Variants in CDKL1 observed in about 807,000 individuals in gnomAD.
CDKL1 encodes cyclin dependent kinase like 1, also known as cyclin-dependent kinase-like 1.
In CDKL1, 41 loss-of-function variants were observed where a neutral mutation model predicts 42.0. The ratio of observed to expected loss-of-function variants is 0.98; its 90% confidence interval spans 0.76 to 1.27. CDKL1 has a LOEUF of 1.27. Ranked by LOEUF, CDKL1 falls within the 50% of genes most tolerant of loss-of-function variation. CDKL1 has a pLI of 0.00. For synonymous variants in CDKL1, 153 were observed against 158.6 expected (o/e 0.96, Z 0.26); for missense variants, 394 against 428.4 (o/e 0.92, Z 0.71).
At chr14:50,346,651 G>GTTT (rs375954757) in intron 3 of CDKL1, among the ~76,000 whole-genome samples, 1,912 of 123,528 alleles carry the variant, frequency 0.015, 111 homozygotes, top group African/African-American at 0.029. Context: ...TTAAATTTTT[G>GTTT]GTTTTTTTTT....
chr14:50,336,847 A>G (rs1167157352), intron 7 of CDKL1, among the ~76,000 whole-genome samples: 1 of 134,994 alleles, frequency 7.4e-6, no homozygotes, highest in Non-Finnish European at 1.6e-5. Flanking sequence ...CCTTGCAGCC[A>G]TTTATTTCAC....
At chr14:50,344,884 TA>T in intron 4 of CDKL1, 101 bp downstream of exon 4, 4 of 935,482 alleles carry the variant, frequency 4.3e-6, no homozygotes, top group South Asian at 1.6e-5. Flanking sequence ...AAGATTTGGG[TA>T]AAAAATTTTA....
chr14:50,347,262 C>T (rs1368222040), intron 3 of CDKL1, among the ~76,000 whole-genome samples: 2 of 151,978 alleles, frequency 1.3e-5, no homozygotes. Context: ...TAAGAGGGGC[C>T]AGTTTTTCAC....
intron 5 of CDKL1, 135 bp from the exon 6 acceptor site, chr14:50,341,367 C>T: frequency 2.6e-6 from 3 of 1,156,762 alleles, no homozygotes; most frequent in East Asian, 8.2e-5. Context: ...TCTAGTTGCA[C>T]ATTCAAATCA....
chr14:50,330,304 T>C, intron 9 of CDKL1, 123 bp from the exon 10 acceptor site: 1 of 1,231,282 alleles, frequency 8.1e-7, no homozygotes, highest in Non-Finnish European at 1.1e-6. Flanking sequence ...TTGCACACAA[T>C]CCAGGACTTG....
intron 1 of CDKL1, 48 bp from the exon 2 acceptor site, chr14:50,396,377 G>A: frequency 1.0e-6 from 1 of 985,648 alleles, no homozygotes; most frequent in African/African-American, 1.7e-5. Context: ...TACCCGTGTC[G>A]GCAATGGCAA....
At position 50,341,141 on chromosome 14, in the gene CDKL1, CG is replaced by C. The variant is rs766143608; in HGVS notation, c.545del (p.Pro182ArgfsTer32). ...LLVGDTQYGP[P>X]VDVWAIGCVF... ...CACAGCCAATTGCCCAAACATCCAC[CG>C]GGGGGCCGTACTGCGTGTCCCCCAC... On this transcript the variant is annotated frameshift_variant, in exon 6 of 10. Coordinates refer to ENST00000395834, the MANE Select transcript of CDKL1 (RefSeq NM_004196.7). LOFTEE classifies it high-confidence loss of function. 5 of 1,614,060 alleles carry C rather than the reference CG, an allele frequency of 3.1e-6. No individual in the cohort carries two copies. Among genetic ancestry groups the C allele is most frequent in the Non-Finnish European group, 4.2e-6 (5 of 1,180,046 alleles).
At chr14:50,358,636 CTTTT>C (rs71118873) in intron 3 of CDKL1, among the ~76,000 whole-genome samples, 12 of 67,666 alleles carry the variant, frequency 1.8e-4, no homozygotes, top group African/African-American at 5.2e-4. Context: ...TTTAACTAGT[CTTTT>C]TTTTTTTTTT....
In CDKL1 at chr14:50,377,633, A is replaced by G. The variant is rs781219754; in HGVS notation, c.168+18068T>C. ...GGCAACAAGGACCCCACTGCTGATGATAAGTGGGGTGGGAGGAGCCCAGGG... is the reference window on the plus strand; with the variant it reads ...GGCAACAAGGACCCCACTGCTGATGGTAAGTGGGGTGGGAGGAGCCCAGGG... On this transcript the variant is annotated intron_variant, in intron 2 of 9. Transcript: ENST00000395834. 19 of 1,292,316 alleles carry G rather than the reference A, an allele frequency of 1.5e-5. 1 individual carries two copies. The Admixed American group carries it at 4.2e-4, about 28-fold the overall frequency. 80.1% of individuals were successfully genotyped at this position (1,292,316 alleles called of 1,614,324 possible). A position where few individuals can be genotyped will look rare whatever the true frequency, so the allele number is the denominator to read the frequency against.
chr14:50,383,185 C>G lies in CDKL1; in HGVS notation c.168+12516G>C, dbSNP rs1016485256. On this transcript the variant is annotated intron_variant, in intron 2 of 9. Coordinates refer to ENST00000395834, the MANE Select transcript of CDKL1 (RefSeq NM_004196.7). ...CTCGTGATCCATCTGCCTCGGCCTC[C>G]CAAAGTGCTGGAATTACAGGTGTGA... is the stretch of plus-strand genomic sequence containing the variant. Among the ~76,000 whole-genome samples, 6 of 152,162 alleles carry G rather than the reference C, an allele frequency of 3.9e-5. No homozygotes were observed. In the South Asian group the frequency reaches 1.2e-3, roughly 32 times the overall value.
chr14:50,390,110 C>G (rs374172508), intron 2 of CDKL1: 2 of 1,342,938 alleles, frequency 1.5e-6, no homozygotes, highest in Admixed American at 1.9e-5. Flanking sequence ...TCCAAATTTA[C>G]TAGGTCCCTT....
At position 50,387,206 on chromosome 14, in the gene CDKL1, T is replaced by TAAAAA. The variant is rs34024517; in HGVS notation, c.168+8490_168+8494dup. On this transcript the variant is annotated intron_variant, in intron 2 of 9. Coordinates refer to ENST00000395834, the MANE Select transcript of CDKL1 (RefSeq NM_004196.7). Reference sequence around the variant, plus strand: ...TGGGCAACAGACTGAGACCCTGTCTTAAAAAAAAAAAAAAAATGGGGGTGG... The same window carrying TAAAAA: ...TGGGCAACAGACTGAGACCCTGTCTTAAAAAAAAAAAAAAAAAAAAATGGGGGTGG... Among the ~76,000 whole-genome samples, 3 of 80,870 alleles carry TAAAAA rather than the reference T, an allele frequency of 3.7e-5. No homozygotes were observed. The Admixed American group carries it at 4.9e-4, about 13-fold the overall frequency. 53.1% of individuals were successfully genotyped at this position (80,870 alleles called of 152,430 possible). A position where few individuals can be genotyped will look rare whatever the true frequency, so the allele number is the denominator to read the frequency against.
chr14:50,365,390 C>T (rs759124098), intron 2 of CDKL1, among the ~76,000 whole-genome samples: 6 of 152,146 alleles, frequency 3.9e-5, no homozygotes, highest in Non-Finnish European at 8.8e-5. Context: ...GATAACTTAT[C>T]TCTCAACCTG....
rs117513134 is a variant in CDKL1, at chr14:50,326,516, C to T, written c.*3558G>A. 1.9e-4 allele frequency: 183 copies of T among 985,396 alleles called. 3 individuals are homozygous for T. The East Asian group carries it at 0.015, about 81-fold the overall frequency. The allele number at this position is 985,396 out of a possible 1,614,324, so 61.0% of individuals were successfully genotyped here. A position where few individuals can be genotyped will look rare whatever the true frequency, so the allele number is the denominator to read the frequency against. ...GTTGTTGAAGCATGCATTGCTTCAA[C>T]AGGATTTGCGTGCATTTCCCATGAT... On this transcript the variant is annotated 3_prime_UTR_variant, in exon 10 of 10. Coordinates refer to ENST00000395834, the MANE Select transcript of CDKL1 (RefSeq NM_004196.7).
intron 3 of CDKL1, 83 bp from the exon 4 acceptor site, chr14:50,345,141 A>T: frequency 8.2e-7 from 1 of 1,221,638 alleles, no homozygotes. Flanking sequence ...AAACGAAGAT[A>T]GGCTTTAGTA....
At chr14:50,377,518 G>A in intron 2 of CDKL1, 5 of 1,132,410 alleles carry the variant, frequency 4.4e-6, no homozygotes, top group South Asian at 2.0e-5. Flanking sequence ...TCTGGGAGGT[G>A]CACAGTCTAA....
intron 2 of CDKL1, chr14:50,362,279 G>A (rs1431786217): frequency 5.6e-5 from 21 of 376,962 alleles, no homozygotes; most frequent in Admixed American, 9.0e-5. Flanking sequence ...TGAGGAGTGC[G>A]GGCGCACGGC....
chr14:50,395,917 G>A lies in CDKL1; in HGVS notation c.-49C>T, dbSNP rs753576940. ...AATGGATCTTCAGCCGAGAATGGTG[G>A]CTCACGCCTGTAATCCCAGCACTTT... On this transcript the variant is annotated 5_prime_UTR_variant, in exon 2 of 10. Coordinates refer to ENST00000395834, the MANE Select transcript of CDKL1 (RefSeq NM_004196.7). 5 of 1,569,916 alleles carry A rather than the reference G, an allele frequency of 3.2e-6. No individual in the cohort carries two copies. The highest frequency in any genetic ancestry group is 4.4e-6 in the Non-Finnish European group (5 of 1,141,348).
chr14:50,382,596 CTCTT>C (rs1405260715), intron 2 of CDKL1, among the ~76,000 whole-genome samples: 2 of 138,620 alleles, frequency 1.4e-5, no homozygotes, highest in Admixed American at 7.2e-5. Flanking sequence ...CTTTCTCTCT[CTCTT>C]TTTTTTTATT....
Sources: gnomAD v4.1 joint callset for allele counts (sites outside exome capture counted in the v4.1 genomes callset) on GRCh38, gnomAD v4.1.1 for gene constraint, MANE v1.5 for transcripts, NCBI Gene and HGNC (gene_info 2026-07-23, HGNC 2026-07-21) for gene names.